ZNF804A: variants seen among roughly 807,000 people sequenced by gnomAD.
ZNF804A encodes zinc finger protein 804A.
In ZNF804A, 2 loss-of-function variants were observed where a neutral mutation model predicts 16.5. That is an observed-to-expected ratio of 0.12 (90% CI 0.05 to 0.38). The LOEUF is 0.38. ZNF804A is among the 10% of genes least tolerant of loss of function. The pLI is 0.99. For synonymous variants in ZNF804A, 534 were observed against 489.6 expected, an observed-to-expected ratio of 1.09 and a Z score of -1.20; for missense variants, 1,473 against 1,390.7, an observed-to-expected ratio of 1.06 and a Z score of -0.94.
chr2:184,635,592 T>C (rs1400995798), intron 1 of ZNF804A, among the ~76,000 whole-genome samples: 1 of 152,110 alleles, frequency 6.6e-6, no homozygotes. Flanking sequence ...TTAAGCTCAA[T>C]GGGGATTGAT....
intron 1 of ZNF804A, among the ~76,000 whole-genome samples, chr2:184,760,105 G>A (rs558063913): frequency 6.6e-6 from 1 of 152,144 alleles, no homozygotes; most frequent in Admixed American, 6.6e-5. Flanking sequence ...GTTAAGGCAG[G>A]AACAGGCCAT....
chr2:184,754,085 T>C (rs1464409771), intron 1 of ZNF804A, among the ~76,000 whole-genome samples: 1 of 151,830 alleles, frequency 6.6e-6, no homozygotes, highest in Non-Finnish European at 1.5e-5. Context: ...CTATATTTCA[T>C]CTGGTAACCT....
chr2:184,668,448 CATT>C (rs147864502), intron 1 of ZNF804A, among the ~76,000 whole-genome samples: 7,860 of 151,896 alleles, frequency 0.052, 250 homozygotes, highest in Non-Finnish European at 0.077. Context: ...ACAGTATCAT[CATT>C]GATTATATAA....
rs569986652 is a variant in ZNF804A, at chr2:184,902,716, C to CT, written c.256-30879dup. On this transcript the variant is annotated intron_variant, in intron 2 of 3. Transcript: ENST00000302277. ...GTTGAGTTGTGCTTCTGAATGTTTT[C>CT]TTTTTTTTACCTTATAAAAACCATA... Among the ~76,000 whole-genome samples, 79 of 151,938 alleles carry CT rather than the reference C, an allele frequency of 5.2e-4. No individual in the cohort carries two copies. In the East Asian group the frequency reaches 8.5e-3, roughly 16 times the overall value.
intron 2 of ZNF804A, among the ~76,000 whole-genome samples, chr2:184,880,298 CAAAGT>C (rs1173609424): frequency 1.3e-5 from 2 of 152,030 alleles, no homozygotes; most frequent in African/African-American, 2.4e-5. Flanking sequence ...TTACCCTAAG[CAAAGT>C]AAATCATCTA....
chr2:184,814,023 G>GTTTTTTTTTTTTT (rs1231774388), intron 1 of ZNF804A, among the ~76,000 whole-genome samples: 3 of 109,274 alleles, frequency 2.7e-5, no homozygotes, highest in Admixed American at 1.1e-4. Context: ...TTTTTTTTTG[G>GTTTTTTTTTTTTT]CTTGTCTACT....
intron 2 of ZNF804A, among the ~76,000 whole-genome samples, chr2:184,887,373 C>T (rs1300893716): frequency 2.0e-5 from 3 of 152,224 alleles, no homozygotes; most frequent in African/African-American, 7.2e-5. Context: ...CCCACATTTT[C>T]CTGTCTTCTT....
intron 2 of ZNF804A, among the ~76,000 whole-genome samples, chr2:184,931,339 G>A: frequency 6.6e-6 from 1 of 152,196 alleles, no homozygotes; most frequent in Non-Finnish European, 1.5e-5. Flanking sequence ...CTGCCCCACA[G>A]CACACCTCTT....
At chr2:184,817,151 A>G (rs746576840) in intron 1 of ZNF804A, among the ~76,000 whole-genome samples, 1 of 151,882 alleles carries the variant, frequency 6.6e-6, no homozygotes, top group African/African-American at 2.4e-5. Context: ...AGATGAATAG[A>G]GAGATAATCA....
intron 1 of ZNF804A, among the ~76,000 whole-genome samples, chr2:184,778,869 C>T (rs1694331636): frequency 1.3e-5 from 2 of 151,420 alleles, no homozygotes; most frequent in East Asian, 1.9e-4. Context: ...CCTCAACATC[C>T]AAAGGCCTAC....
intron 2 of ZNF804A, among the ~76,000 whole-genome samples, chr2:184,910,349 C>G (rs1366043477): frequency 6.6e-6 from 1 of 151,902 alleles, no homozygotes. Flanking sequence ...ATAAATATGC[C>G]ACATTTTCTC....
At chr2:184,632,598 T>A (rs1691631365) in intron 1 of ZNF804A, among the ~76,000 whole-genome samples, 1 of 152,168 alleles carries the variant, frequency 6.6e-6, no homozygotes, top group Non-Finnish European at 1.5e-5. Context: ...GGTTTCACCA[T>A]GTTGGCCAAG....
intron 1 of ZNF804A, among the ~76,000 whole-genome samples, chr2:184,772,309 T>G (rs1293567267): frequency 6.6e-6 from 1 of 151,414 alleles, no homozygotes; most frequent in Non-Finnish European, 1.5e-5. Context: ...CTTCTTCTAC[T>G]CCAGCCTTAT....
chr2:184,810,732 T>C (rs973904176), intron 1 of ZNF804A, among the ~76,000 whole-genome samples: 16 of 152,170 alleles, frequency 1.1e-4, no homozygotes, highest in African/African-American at 3.9e-4. Context: ...CCTCGTGACC[T>C]GCCCACCTCG....
intron 1 of ZNF804A, among the ~76,000 whole-genome samples, chr2:184,863,211 T>C (rs1248195606): frequency 6.6e-6 from 1 of 152,120 alleles, no homozygotes; most frequent in Non-Finnish European, 1.5e-5. Flanking sequence ...ACAAGAATAT[T>C]TGGGTTTAAA....
chr2:184,790,095 G>A (rs1694510018), intron 1 of ZNF804A, among the ~76,000 whole-genome samples: 1 of 151,958 alleles, frequency 6.6e-6, no homozygotes, highest in Admixed American at 6.6e-5. Context: ...AAGTTGTTAA[G>A]AAGCAACATG....
chr2:184,812,653 C>T (rs1000277150), intron 1 of ZNF804A, among the ~76,000 whole-genome samples: 1 of 152,070 alleles, frequency 6.6e-6, no homozygotes, highest in Admixed American at 6.6e-5. Context: ...TGTGCGGGCT[C>T]TACCTGCTGG....
At chr2:184,797,548 T>C (rs112651971) in intron 1 of ZNF804A, among the ~76,000 whole-genome samples, 5,318 of 152,190 alleles carry the variant, frequency 0.035, 306 homozygotes, top group African/African-American at 0.12. Context: ...TGGCAGCAGA[T>C]AGTTGGTTTG....
At chr2:184,794,054 A>C (rs1202460641) in intron 1 of ZNF804A, among the ~76,000 whole-genome samples, 2 of 152,034 alleles carry the variant, frequency 1.3e-5, no homozygotes, top group Non-Finnish European at 2.9e-5. Context: ...ATCTTTTTAA[A>C]ATAATTACTT....
Sources: gnomAD v4.1 joint callset for allele counts (sites outside exome capture counted in the v4.1 genomes callset) on GRCh38, gnomAD v4.1.1 for gene constraint, MANE v1.5 for transcripts, NCBI Gene and HGNC (gene_info 2026-07-23, HGNC 2026-07-21) for gene names.